Variants in ACSM5 observed in about 807,000 individuals in gnomAD.
ACSM5 encodes the protein acyl-coenzyme A synthetase ACSM5, mitochondrial.
Under a neutral mutation model 71.6 loss-of-function variants are expected in ACSM5, and 56 were observed. That is an observed-to-expected ratio of 0.78 (90% CI 0.63 to 0.98). The LOEUF (loss-of-function observed/expected upper bound fraction) is 0.98, where lower values mean the gene tolerates loss of function less well. ACSM5 is among the 50% of genes least tolerant of loss of function. ACSM5 has a pLI of 0.00. For missense variants in ACSM5, 723 were observed against 726.0 expected (o/e 1.00, Z 0.05); for synonymous variants, 285 against 281.5 (o/e 1.01, Z -0.12).
chr16:20,421,294 G>C lies in ACSM5; in HGVS notation c.660G>C (p.Lys220Asn). ...ASTEHNCMRT[K>N]SRDPLAIYFT... ...CAGAGCACAACTGCATGAGGACAAA[G>C]AGTCGAGACCCGCTGGCCATCTACT... Residue 220 changes from lysine (K) to asparagine (N), a missense_variant, in exon 5 of 14, where the codon AAG (lysine) becomes AAC (asparagine). Lys to Asn is a moderately conservative substitution (Grantham distance 94). Coordinates refer to ENST00000331849, the MANE Select transcript of ACSM5 (RefSeq NM_017888.3). 6.2e-7 allele frequency: 1 copy of C among 1,606,462 alleles called. No homozygotes were observed. Among genetic ancestry groups the C allele is most frequent in the Non-Finnish European group, 8.5e-7 (1 of 1,175,762 alleles).
At chr16:20,428,935 T>G (rs1172881477) in intron 7 of ACSM5, among the ~76,000 whole-genome samples, 2 of 152,172 alleles carry the variant, frequency 1.3e-5, no homozygotes, top group Non-Finnish European at 1.5e-5. Flanking sequence ...TAGGAATTTT[T>G]GGGATTCTTA....
chr16:20,420,287 T>C (rs575983319), intron 4 of ACSM5, among the ~76,000 whole-genome samples: 69 of 152,232 alleles, frequency 4.5e-4, no homozygotes, highest in African/African-American at 1.7e-3. Context: ...GCAAGAGCCC[T>C]GGGGATCTTT....
intron 1 of ACSM5, among the ~76,000 whole-genome samples, chr16:20,411,262 G>C (rs1403129238): frequency 6.6e-6 from 1 of 152,210 alleles, no homozygotes; most frequent in East Asian, 1.9e-4. Flanking sequence ...CCACAAGTCA[G>C]TGAGAGGTCA....
chr16:20,411,405 A>C, intron 1 of ACSM5, 65 bp from the exon 2 acceptor site: 1 of 1,370,478 alleles, frequency 7.3e-7, no homozygotes. Context: ...GTTTCTCCTA[A>C]CCTATGTGTT....
Position 20,411,575 on chromosome 16 carries a change from G to A in ACSM5, c.91G>A (p.Val31Ile). ...GSHGKPAPLP[V>I]PQKIVATWEA... Reference sequence around the variant, plus strand: ...TCATGGGAAGCCAGCACCTCTACCTGTTCCTCAGAAGATCGTGGCCACCTG... The same window carrying A: ...TCATGGGAAGCCAGCACCTCTACCTATTCCTCAGAAGATCGTGGCCACCTG... The change falls in exon 2 of 14, where the codon GTT (valine) becomes ATT (isoleucine). Residue 31 changes from valine to isoleucine, a missense_variant. By Grantham distance (29) the Val-to-Ile change is conservative. Transcript: ENST00000331849. 1 of 1,614,202 alleles carries A rather than the reference G, an allele frequency of 6.2e-7. No individual in the cohort carries two copies.
At chr16:20,439,326 C>A (rs1196935694) in intron 12 of ACSM5, among the ~76,000 whole-genome samples, 10 of 128,870 alleles carry the variant, frequency 7.8e-5, no homozygotes, top group African/African-American at 2.6e-4. Flanking sequence ...AGTTCAGGGT[C>A]TGCTGATTGC....
Position 20,410,844 on chromosome 16 carries a change from G to A in ACSM5, c.-15-626G>A, listed in dbSNP as rs982552268. ...TGTGGCTTTTGAGCACTTGAAGTGT[G>A]GCTAGTCCAAATTGACATGTGTTTG... On this transcript the variant is annotated intron_variant, in intron 1 of 13. Transcript: ENST00000331849. Among the ~76,000 whole-genome samples the A allele has an allele frequency of 2.6e-5, 4 of 152,072 alleles. No homozygotes were observed. The South Asian group carries it at 6.2e-4, about 24-fold the overall frequency.
chr16:20,415,742 C>G (rs1374474628), intron 2 of ACSM5, among the ~76,000 whole-genome samples: 1 of 152,164 alleles, frequency 6.6e-6, no homozygotes, highest in Non-Finnish European at 1.5e-5. Flanking sequence ...AAAGCAAAGC[C>G]ACAATCACAG....
At chr16:20,438,067 G>T (rs948497750) in intron 12 of ACSM5, among the ~76,000 whole-genome samples, 4 of 151,770 alleles carry the variant, frequency 2.6e-5, no homozygotes, top group African/African-American at 9.7e-5. Context: ...GACCTTAGGT[G>T]ATCCACCCAC....
intron 10 of ACSM5, among the ~76,000 whole-genome samples, chr16:20,434,356 C>T (rs77612514): frequency 0.037 from 5,645 of 152,000 alleles, 360 homozygotes; most frequent in African/African-American, 0.13. Flanking sequence ...TGAATAAATC[C>T]TCCTTTTCCC....
intron 10 of ACSM5, among the ~76,000 whole-genome samples, chr16:20,435,534 A>G (rs35776439): frequency 0.088 from 13,454 of 152,210 alleles, 728 homozygotes; most frequent in East Asian, 0.19. Flanking sequence ...TGTGTAAGTC[A>G]ATGACTTTTA....
Position 20,440,891 on chromosome 16 carries a change from AC to A in ACSM5, c.*465del, listed in dbSNP as rs1293179317. ...AGAAATTCTATCTTCGGGAGTCACC[AC>A]AAAAGAAAAAAATCAAAATGCAGAA... is the stretch of plus-strand genomic sequence containing the variant. On this transcript the variant is annotated 3_prime_UTR_variant, in exon 14 of 14. Coordinates refer to ENST00000331849, the MANE Select transcript of ACSM5 (RefSeq NM_017888.3). 6.5e-6 allele frequency: 1 copy of A among 153,612 alleles called. No individual in the cohort carries two copies. Among genetic ancestry groups the A allele is most frequent in the Non-Finnish European group, 1.4e-5 (1 of 68,990 alleles). The allele number at this position is 153,612 out of a possible 1,614,324, so 9.5% of individuals were successfully genotyped here. A position where few individuals can be genotyped will look rare whatever the true frequency, so the allele number is the denominator to read the frequency against.
At position 20,424,008 on chromosome 16, in the gene ACSM5, C is replaced by A. The variant is rs1166630432; in HGVS notation, c.860C>A (p.Pro287His). ...GCCTGGACTCTCTTCTCTGCCTGGC[C>A]TAATGGATCTTGCATTTTTGTGCAT... ...KAAWTLFSAW[P>H]NGSCIFVHEL... is the part of the protein sequence containing the mutation. Residue 287 changes from proline (P) to histidine (H), a missense_variant, in exon 6 of 14, where the codon CCT (proline) becomes CAT (histidine). Physicochemically the swap from Pro to His is moderately conservative, Grantham distance 77. Coordinates refer to ENST00000331849, the MANE Select transcript of ACSM5 (RefSeq NM_017888.3). 6.2e-7 allele frequency: 1 copy of A among 1,614,120 alleles called. No homozygotes were observed. Among genetic ancestry groups the A allele is most frequent in the Non-Finnish European group, 8.5e-7 (1 of 1,180,010 alleles).
rs774489244 is a variant in ACSM5, at chr16:20,419,400, T to A, written c.588T>A (p.Ser196Arg). 2 of 1,614,158 alleles carry A rather than the reference T, an allele frequency of 1.2e-6. No homozygotes were observed. Among genetic ancestry groups the A allele is most frequent in the Non-Finnish European group, 1.7e-6 (2 of 1,180,022 alleles). ...LQTKLLVSDS[S>R]RPGWLNFREL... ...CCAAGCTGCTGGTGTCAGACAGCAG[T>A]CGGCCAGGCTGGTTGAACTTCAGGG... Residue 196 changes from serine (S) to arginine (R), a missense_variant, in exon 4 of 14, where the codon AGT becomes AGA. Physicochemically the swap from Ser to Arg is moderately radical, Grantham distance 110 (BLOSUM62 -1). Coordinates refer to ENST00000331849, the MANE Select transcript of ACSM5 (RefSeq NM_017888.3).
chr16:20,436,020 A>G (rs1967187061), intron 10 of ACSM5, among the ~76,000 whole-genome samples: 1 of 72,102 alleles, frequency 1.4e-5, no homozygotes, highest in South Asian at 4.4e-4. Context: ...TTTTTTCTTC[A>G]TTCTTTCTTT....
chr16:20,413,739 T>G (rs1428052628), intron 2 of ACSM5, among the ~76,000 whole-genome samples: 1 of 152,204 alleles, frequency 6.6e-6, no homozygotes, highest in Non-Finnish European at 1.5e-5. Flanking sequence ...GAGGAAACTC[T>G]AAGCTCGCAC....
intron 2 of ACSM5, among the ~76,000 whole-genome samples, chr16:20,417,228 G>A (rs1436523722): frequency 6.6e-6 from 1 of 152,076 alleles, no homozygotes; most frequent in Non-Finnish European, 1.5e-5. Context: ...TAGAAAACAT[G>A]TGCTCACAGA....
At chr16:20,411,742 G>A in intron 2 of ACSM5, 54 bp downstream of exon 2, 2 of 1,548,344 alleles carry the variant, frequency 1.3e-6, no homozygotes, top group Non-Finnish European at 1.8e-6. Context: ...CTGCCCTCAT[G>A]TACCACAATG....
intron 6 of ACSM5, among the ~76,000 whole-genome samples, chr16:20,427,207 A>G (rs35083555): frequency 6.7e-6 from 1 of 149,382 alleles, no homozygotes; most frequent in Admixed American, 6.7e-5. Context: ...GGTCTGAGGC[A>G]GAGAATTGCT....
Sources: allele counts gnomAD v4.1 joint callset (sites outside exome capture counted in the v4.1 genomes callset), GRCh38; gene constraint gnomAD v4.1.1; transcripts MANE v1.5; gene names NCBI Gene and HGNC (gene_info 2026-07-23, HGNC 2026-07-21).